The following QTMAN variants were observed in gnomAD, a reference collection of about 807,000 sequenced individuals.
The protein encoded by QTMAN is tRNA-queuosine alpha-mannosyltransferase.
the QTMAN span, among the ~76,000 whole-genome samples, chr2:144,052,862 T>C: frequency 6.6e-6 from 1 of 152,162 alleles, no homozygotes; most frequent in African/African-American, 2.4e-5. Flanking sequence ...TTGGTCAGGC[T>C]GGTCTCAAAC....
the QTMAN span, among the ~76,000 whole-genome samples, chr2:144,135,405 T>C: frequency 5.3e-5 from 8 of 152,002 alleles, no homozygotes; most frequent in Admixed American, 4.6e-4. Flanking sequence ...ACTTCAGAAA[T>C]AAAATTAAAA....
At chr2:144,219,957 A>AT in the QTMAN span, among the ~76,000 whole-genome samples, 1 of 152,180 alleles carries the variant, frequency 6.6e-6, no homozygotes, top group Non-Finnish European at 1.5e-5. Flanking sequence ...TCTTCTATTT[A>AT]TTTTTTGAAG....
chr2:144,184,611 T>C, the QTMAN span, among the ~76,000 whole-genome samples: 1 of 152,004 alleles, frequency 6.6e-6, no homozygotes, highest in African/African-American at 2.4e-5. Context: ...TTGGAAATGA[T>C]TTTTTTTAGA....
At chr2:144,290,097 C>T in the QTMAN span, among the ~76,000 whole-genome samples, 2 of 152,046 alleles carry the variant, frequency 1.3e-5, no homozygotes, top group African/African-American at 2.4e-5. Flanking sequence ...ACCTCACTTC[C>T]GTTTTCTTTT....
the QTMAN span, among the ~76,000 whole-genome samples, chr2:144,033,369 G>A: frequency 1.3e-5 from 2 of 152,166 alleles, no homozygotes; most frequent in Admixed American, 1.3e-4. Context: ...CAGGAAAATA[G>A]TTTACTTACT....
the QTMAN span, among the ~76,000 whole-genome samples, chr2:144,038,959 C>T: frequency 1.5e-4 from 23 of 152,030 alleles, no homozygotes; most frequent in East Asian, 4.4e-3. Context: ...TTGTGACTGG[C>T]GAATACACAA....
At chr2:144,106,618 G>A in the QTMAN span, among the ~76,000 whole-genome samples, 1 of 152,120 alleles carries the variant, frequency 6.6e-6, no homozygotes, top group Admixed American at 6.5e-5. Context: ...AATCCTTACA[G>A]ACCTACAAAG....
chr2:144,123,126 T>G, the QTMAN span, among the ~76,000 whole-genome samples: 8 of 152,322 alleles, frequency 5.3e-5, no homozygotes, highest in East Asian at 1.3e-3. Context: ...CTATAAGGAT[T>G]TAAAAGCCAT....
At chr2:144,243,275 A>G in the QTMAN span, among the ~76,000 whole-genome samples, 1 of 152,210 alleles carries the variant, frequency 6.6e-6, no homozygotes, top group African/African-American at 2.4e-5. Context: ...AACTCTGTCA[A>G]TGACAGTCCA....
the QTMAN span, chr2:144,211,063 TTCA>T: frequency 6.6e-6 from 1 of 152,188 alleles, no homozygotes. Flanking sequence ...TTTCTGATTC[TTCA>T]TCATCTTGTC....
chr2:144,042,821 G>C, the QTMAN span, among the ~76,000 whole-genome samples: 2 of 151,616 alleles, frequency 1.3e-5, no homozygotes, highest in Admixed American at 1.3e-4. Context: ...GTTCATTTGT[G>C]GTCTTGTCCA....
At chr2:144,288,043 C>T in the QTMAN span, among the ~76,000 whole-genome samples, 500 of 151,886 alleles carry the variant, frequency 3.3e-3, 2 homozygotes, top group African/African-American at 0.011. Flanking sequence ...TTAGTAGAGA[C>T]GGGGTTTCAC....
At chr2:144,233,384 T>C in the QTMAN span, among the ~76,000 whole-genome samples, 1 of 152,180 alleles carries the variant, frequency 6.6e-6, no homozygotes, top group South Asian at 2.1e-4. Context: ...GTAAGGGGAA[T>C]GATATTTCTA....
At chr2:144,250,751 G>GAAA in the QTMAN span, among the ~76,000 whole-genome samples, 1 of 67,064 alleles carries the variant, frequency 1.5e-5, no homozygotes, top group African/African-American at 4.4e-5. Flanking sequence ...CTTTAAGGCC[G>GAAA]AAAAAAAAAA....
At chr2:144,317,354 G>C in the QTMAN span, 2 of 136,904 alleles carry the variant, frequency 1.5e-5, no homozygotes, top group Non-Finnish European at 3.0e-5. Context: ...TATGCAACAA[G>C]ATCTTCAAGG....
the QTMAN span, among the ~76,000 whole-genome samples, chr2:144,305,732 G>T: frequency 1.3e-5 from 2 of 152,110 alleles, no homozygotes; most frequent in East Asian, 3.8e-4. Flanking sequence ...ATGAACATGG[G>T]ATGTCTAATT....
chr2:144,180,439 GAACTGTTAAAAAA>G, the QTMAN span, among the ~76,000 whole-genome samples: 4 of 151,958 alleles, frequency 2.6e-5, no homozygotes, highest in Admixed American at 6.6e-5. Context: ...AATGCTTTCT[GAACTGTTAAAAAA>G]AATTAGAGTA....
At chr2:144,183,815 C>T in the QTMAN span, among the ~76,000 whole-genome samples, 3 of 152,194 alleles carry the variant, frequency 2.0e-5, no homozygotes, top group South Asian at 2.1e-4. Context: ...CTCCCCACCC[C>T]CAACCAACTT....
At chr2:144,312,040 C>A in the QTMAN span, among the ~76,000 whole-genome samples, 1 of 152,126 alleles carries the variant, frequency 6.6e-6, no homozygotes, top group Non-Finnish European at 1.5e-5. Context: ...GATCTCACTT[C>A]CCCATCTCTC....
Sources: allele counts gnomAD v4.1 joint callset (sites outside exome capture counted in the v4.1 genomes callset), GRCh38; gene constraint gnomAD v4.1.1; transcripts MANE v1.5; gene names NCBI Gene and HGNC (gene_info 2026-07-23, HGNC 2026-07-21).